Variants in OGDH observed in about 807,000 individuals in gnomAD.
The protein encoded by OGDH is oxoglutarate dehydrogenase, also known as 2-oxoglutarate dehydrogenase complex component E1.
Under a neutral mutation model 116.6 loss-of-function variants are expected in OGDH, and 38 were observed. That is an observed-to-expected ratio of 0.33 (90% CI 0.25 to 0.43). OGDH has a LOEUF of 0.43. OGDH is among the 20% of genes least tolerant of loss of function. The pLI is 1.00. For missense variants in OGDH, 825 were observed against 1,357.2 expected (o/e 0.61, Z 6.16); for synonymous variants, 488 against 533.3 (o/e 0.92, Z 1.17).
At chr7:44,647,786 G>A (rs201529651) in intron 4 of OGDH, 27 bp downstream of exon 4, 79 of 1,580,274 alleles carry the variant, frequency 5.0e-5, no homozygotes, top group Admixed American at 8.3e-5. Flanking sequence ...AGTCAGCTGC[G>A]TTGCTTGAGC....
intron 20 of OGDH, among the ~76,000 whole-genome samples, chr7:44,704,926 G>A (rs1011067451): frequency 2.6e-5 from 4 of 151,786 alleles, no homozygotes; most frequent in African/African-American, 9.7e-5. Context: ...GACCAGGCTG[G>A]TCTTGAACTC....
intron 19 of OGDH, 77 bp downstream of exon 19, chr7:44,700,346 C>G: frequency 4.4e-6 from 7 of 1,573,540 alleles, no homozygotes; most frequent in Non-Finnish European, 5.2e-6. Context: ...CCTCAGAGAG[C>G]CTCTTGCTTG....
At chr7:44,656,235 TG>T in intron 4 of OGDH, 1 of 1,328,188 alleles carries the variant, frequency 7.5e-7, no homozygotes, top group East Asian at 2.5e-5. Flanking sequence ...TGTAGGGTTT[TG>T]GTGTTTGGGT....
rs183881211 is a variant in OGDH, at chr7:44,699,242, A to G, written c.2431-899A>G. 7.9e-5 allele frequency among the ~76,000 whole-genome samples: 12 copies of G among 152,230 alleles called. No homozygotes were observed. The East Asian group carries it at 1.9e-3, about 24-fold the overall frequency. ...GGAGTTTGAGACCACCCTGGCCAAT[A>G]TAGTGAAACCCCGTCTCTACTAAAA... On this transcript the variant is annotated intron_variant, in intron 18 of 22. Transcript: ENST00000222673.
At chr7:44,635,932 T>C (rs1785649830) in intron 2 of OGDH, among the ~76,000 whole-genome samples, 1 of 152,196 alleles carries the variant, frequency 6.6e-6, no homozygotes, top group Admixed American at 6.5e-5. Flanking sequence ...CTCAATCTCC[T>C]GACCTCATGA....
chr7:44,636,777 G>A (rs1285070897), intron 2 of OGDH, among the ~76,000 whole-genome samples: 2 of 152,208 alleles, frequency 1.3e-5, no homozygotes, highest in Admixed American at 1.3e-4. Flanking sequence ...TTACAGCTAA[G>A]TGCTTTTAGT....
At chr7:44,654,827 G>A (rs1318238488) in intron 4 of OGDH, among the ~76,000 whole-genome samples, 1 of 152,114 alleles carries the variant, frequency 6.6e-6, no homozygotes, top group Non-Finnish European at 1.5e-5. Context: ...GCTTCACTTG[G>A]AAGTACTGTG....
intron 2 of OGDH, among the ~76,000 whole-genome samples, chr7:44,641,225 C>CTTT (rs1175522868): frequency 7.3e-5 from 6 of 81,640 alleles, no homozygotes; most frequent in East Asian, 3.6e-4. Flanking sequence ...TTTTTTTTTT[C>CTTT]TTTTTTTTTT....
At chr7:44,607,439 T>A (rs940478588) in intron 1 of OGDH, among the ~76,000 whole-genome samples, 1 of 152,152 alleles carries the variant, frequency 6.6e-6, no homozygotes, top group Admixed American at 6.5e-5. Flanking sequence ...GCCCAGAACA[T>A]AGGACTTCGT....
Position 44,707,781 on chromosome 7 carries a change from C to T in OGDH, c.2951+45C>T. The stretch of plus-strand genomic sequence containing the variant: ...CAGGAAGGCTGTGGGACCCTCCCCT[C>T]AGGCCAGTAGGCAGTTAGCCAGGCA... On this transcript the variant is annotated intron_variant, in intron 22 of 22. Coordinates refer to ENST00000222673, the MANE Select transcript of OGDH (RefSeq NM_002541.4). The surrounding 1 kb of genome is among the most constrained non-coding windows in gnomAD (Gnocchi z 5.2). The T allele has an allele frequency of 6.2e-7, 1 of 1,613,048 alleles. No homozygotes were observed. The highest frequency in any genetic ancestry group is 1.1e-5 in the South Asian group (1 of 91,014).
In OGDH at chr7:44,627,868, G is replaced by T. The variant is rs1038559629; in HGVS notation, c.222+3303G>T. Reference sequence around the variant, plus strand: ...ATTTTTGTATTTTTAGTAGAGACGGGGTTTCACCATGTTGGCCAGGCTGGT... The same window carrying T: ...ATTTTTGTATTTTTAGTAGAGACGGTGTTTCACCATGTTGGCCAGGCTGGT... On this transcript the variant is annotated intron_variant, in intron 2 of 22. Transcript: ENST00000222673. Among the ~76,000 whole-genome samples, 3 of 152,010 alleles carry T rather than the reference G, an allele frequency of 2.0e-5. No homozygotes were observed. In the East Asian group the frequency reaches 5.8e-4, roughly 29 times the overall value.
chr7:44,698,380 C>G, intron 18 of OGDH, 117 bp downstream of exon 18: 6 of 1,077,812 alleles, frequency 5.6e-6, no homozygotes, highest in Non-Finnish European at 8.3e-6. Flanking sequence ...GTCCCTTTCT[C>G]CATCCTGGGG....
intron 3 of OGDH, among the ~76,000 whole-genome samples, chr7:44,647,050 T>C (rs1786218184): frequency 6.6e-6 from 1 of 152,224 alleles, no homozygotes; most frequent in South Asian, 2.1e-4. Flanking sequence ...GCCTCCCAAG[T>C]AGCTGGAACT....
chr7:44,668,579 C>A (rs1035539466), intron 5 of OGDH, among the ~76,000 whole-genome samples: 3 of 152,162 alleles, frequency 2.0e-5, no homozygotes, highest in African/African-American at 4.8e-5. Flanking sequence ...GGGGTAGAAA[C>A]CAGAACTATG....
chr7:44,616,655 ATATATACG>A lies in OGDH; in HGVS notation c.-27-7647_-27-7640del, dbSNP rs1265088274. Among the ~76,000 whole-genome samples, 10 of 148,560 alleles carry A rather than the reference ATATATACG, an allele frequency of 6.7e-5. No homozygotes were observed. In the East Asian group the frequency reaches 9.9e-4, roughly 15 times the overall value. Reference sequence around the variant, plus strand: ...CACATGTTTATGTATATATACACATATATATACGTATATACGTATATATACACATATGT... The same window carrying A: ...CACATGTTTATGTATATATACACATATATATACGTATATATACACATATGT... On this transcript the variant is annotated intron_variant, in intron 1 of 22. Coordinates refer to ENST00000222673, the MANE Select transcript of OGDH (RefSeq NM_002541.4).
chr7:44,607,714 G>A (rs1209963282), intron 1 of OGDH, among the ~76,000 whole-genome samples: 1 of 152,082 alleles, frequency 6.6e-6, no homozygotes, highest in Non-Finnish European at 1.5e-5. Context: ...TGTTGTTGTT[G>A]TCTTGTTTGA....
chr7:44,678,211 G>T (rs1787782073), intron 9 of OGDH, among the ~76,000 whole-genome samples: 1 of 152,100 alleles, frequency 6.6e-6, no homozygotes, highest in Non-Finnish European at 1.5e-5. Flanking sequence ...TGTCTGGGAT[G>T]GCCTGGGCTA....
intron 12 of OGDH, among the ~76,000 whole-genome samples, chr7:44,695,540 T>C (rs1453910553): frequency 6.6e-6 from 1 of 151,748 alleles, no homozygotes; most frequent in East Asian, 2.0e-4. Context: ...CCCCGTCTAC[T>C]AAAAATACAA....
intron 2 of OGDH, among the ~76,000 whole-genome samples, chr7:44,639,903 C>T (rs1785851854): frequency 6.6e-6 from 1 of 152,208 alleles, no homozygotes; most frequent in Non-Finnish European, 1.5e-5. Context: ...CGGTATGAAC[C>T]AGTTTTTTTC....
Sources: allele counts gnomAD v4.1 joint callset (sites outside exome capture counted in the v4.1 genomes callset), GRCh38; gene constraint gnomAD v4.1.1; non-coding constraint Gnocchi (gnomAD v3.1); transcripts MANE v1.5; gene names NCBI Gene and HGNC (gene_info 2026-07-23, HGNC 2026-07-21).